Variants in XYLT1 observed in about 807,000 individuals in gnomAD.
XYLT1 encodes xylosyltransferase 1.
A neutral mutation model predicts 91.3 loss-of-function variants in XYLT1; 36 were observed. The ratio of observed to expected loss-of-function variants is 0.39; its 90% confidence interval spans 0.30 to 0.52. The LOEUF (loss-of-function observed/expected upper bound fraction) is 0.52. XYLT1 is among the 20% of genes least tolerant of loss of function. The probability of loss-of-function intolerance (pLI) is 0.68; values close to 1 mark genes in which losing one functional copy is unlikely to be tolerated. For missense variants in XYLT1, 1,242 were observed against 1,284.5 expected (o/e 0.97, Z 0.51); for synonymous variants, 588 against 532.0 (o/e 1.11, Z -1.45).
At chr16:17,317,148 A>G (rs1254125930) in intron 2 of XYLT1, among the ~76,000 whole-genome samples, 1 of 151,906 alleles carries the variant, frequency 6.6e-6, no homozygotes, top group Non-Finnish European at 1.5e-5. Flanking sequence ...GGAGCTCTCA[A>G]TGTTGCAGCA....
At chr16:17,452,421 C>A (rs1466715205) in intron 1 of XYLT1, among the ~76,000 whole-genome samples, 1 of 150,726 alleles carries the variant, frequency 6.6e-6, no homozygotes, top group Non-Finnish European at 1.5e-5. Flanking sequence ...CCAAGGAGTT[C>A]GAGACCATCC....
intron 1 of XYLT1, among the ~76,000 whole-genome samples, chr16:17,451,186 G>C (rs2141950716): frequency 6.6e-6 from 1 of 152,286 alleles, no homozygotes; most frequent in African/African-American, 2.4e-5. Flanking sequence ...ATAAAACAGA[G>C]ATGATGAACC....
intron 2 of XYLT1, among the ~76,000 whole-genome samples, chr16:17,264,172 C>G (rs1268962656): frequency 6.6e-6 from 1 of 152,140 alleles, no homozygotes. Flanking sequence ...ATGGCTTCTT[C>G]ATTGTGCATG....
intron 2 of XYLT1, among the ~76,000 whole-genome samples, chr16:17,356,212 A>C (rs936269955): frequency 1.3e-5 from 2 of 152,226 alleles, no homozygotes; most frequent in Admixed American, 6.5e-5. Context: ...GATTAAGGTA[A>C]GTCTATTTCT....
At chr16:17,347,306 C>T (rs558721027) in intron 2 of XYLT1, among the ~76,000 whole-genome samples, 23 of 152,284 alleles carry the variant, frequency 1.5e-4, no homozygotes, top group Admixed American at 4.6e-4. Flanking sequence ...GCCTGTCCCC[C>T]GCCTCTCCCC....
intron 2 of XYLT1, among the ~76,000 whole-genome samples, chr16:17,292,898 A>G (rs752407657): frequency 2.0e-5 from 3 of 152,118 alleles, no homozygotes; most frequent in Non-Finnish European, 4.4e-5. Context: ...CTCAGCCCTG[A>G]GCACTAAGGG....
chr16:17,293,655 T>C (rs2034265226), intron 2 of XYLT1, among the ~76,000 whole-genome samples: 1 of 152,104 alleles, frequency 6.6e-6, no homozygotes, highest in South Asian at 2.1e-4. Flanking sequence ...ACCCAGCTAA[T>C]TGTTTGTAAT....
Position 17,152,193 on chromosome 16 carries a change from C to T in XYLT1, c.1370+6636G>A, listed in dbSNP as rs1382420262. ...GAGATGACACTGGGAATGTACTTCC[C>T]CTCTAGTCTTTTGTCTAACTTCTTT... On this transcript the variant is annotated intron_variant, in intron 6 of 11. Coordinates refer to ENST00000261381, the MANE Select transcript of XYLT1 (RefSeq NM_022166.4). Among the ~76,000 whole-genome samples the T allele has an allele frequency of 2.0e-5, 3 of 152,114 alleles. No individual in the cohort carries two copies. The East Asian group carries it at 5.8e-4, about 29-fold the overall frequency.
intron 2 of XYLT1, among the ~76,000 whole-genome samples, chr16:17,342,735 T>C (rs117462332): frequency 0.015 from 2,258 of 151,858 alleles, 22 homozygotes; most frequent in Non-Finnish European, 0.022. Flanking sequence ...AAAAAACACA[T>C]GCGTTTCTCA....
rs1046212967 is a variant in XYLT1 at position 17,433,118 on chromosome 16, G to GA, written c.363+37315dup. Among the ~76,000 whole-genome samples, 63 of 150,946 alleles carry GA rather than the reference G, an allele frequency of 4.2e-4. No individual in the cohort carries two copies. The East Asian group carries it at 0.01, about 24-fold the overall frequency. ...AAGGCTCAGCCCATCAGCTGTGTTA[G>GA]AAAAAAAAAGGAAGAGAAAACTTGC... On this transcript the variant is annotated intron_variant, in intron 1 of 11. Coordinates refer to ENST00000261381, the MANE Select transcript of XYLT1 (RefSeq NM_022166.4).
intron 8 of XYLT1, among the ~76,000 whole-genome samples, chr16:17,135,123 C>CATATTTAAAACAT: frequency 6.6e-6 from 1 of 152,172 alleles, no homozygotes; most frequent in African/African-American, 2.4e-5. Flanking sequence ...TTTAGCTAGC[C>CATATTTAAAACAT]ATATTTAAAA....
At chr16:17,169,432 T>C (rs2031772828) in intron 5 of XYLT1, among the ~76,000 whole-genome samples, 1 of 152,232 alleles carries the variant, frequency 6.6e-6, no homozygotes, top group South Asian at 2.1e-4. Context: ...CCTCAGTGCT[T>C]TCACAGGACA....
chr16:17,305,205 G>A (rs1258370616), intron 2 of XYLT1, among the ~76,000 whole-genome samples: 4 of 152,112 alleles, frequency 2.6e-5, no homozygotes, highest in African/African-American at 9.7e-5. Context: ...ACCCAGGACA[G>A]GATGGGAGTC....
At chr16:17,360,796 G>C (rs767795762) in intron 1 of XYLT1, among the ~76,000 whole-genome samples, 3 of 152,160 alleles carry the variant, frequency 2.0e-5, no homozygotes, top group Non-Finnish European at 2.9e-5. Context: ...GGGACTCTTT[G>C]GTTTACAGTA....
intron 10 of XYLT1, among the ~76,000 whole-genome samples, chr16:17,118,637 C>G (rs11075339): frequency 0.28 from 42,594 of 151,918 alleles, 6,442 homozygotes; most frequent in East Asian, 0.61. Context: ...CAGCTGTGAC[C>G]CACAGCAATC....
intron 2 of XYLT1, among the ~76,000 whole-genome samples, chr16:17,344,723 T>C (rs1173051838): frequency 6.6e-6 from 1 of 151,764 alleles, no homozygotes; most frequent in Non-Finnish European, 1.5e-5. Flanking sequence ...TTTTTTTTTT[T>C]GAGACAGGTC....
chr16:17,382,754 C>A (rs756040068), intron 1 of XYLT1, among the ~76,000 whole-genome samples: 35 of 151,884 alleles, frequency 2.3e-4, no homozygotes, highest in Non-Finnish European at 4.4e-4. Context: ...AGTCCCCATA[C>A]TCCAGATAAC....
chr16:17,197,294 A>C (rs191713879), intron 5 of XYLT1, among the ~76,000 whole-genome samples: 2 of 151,356 alleles, frequency 1.3e-5, no homozygotes, highest in Non-Finnish European at 2.9e-5. Context: ...TGTAGGCGTG[A>C]CTCTCTTTTT....
At chr16:17,273,968 G>A (rs985513073) in intron 2 of XYLT1, among the ~76,000 whole-genome samples, 2 of 151,460 alleles carry the variant, frequency 1.3e-5, no homozygotes, top group African/African-American at 4.8e-5. Flanking sequence ...CTGGAGCGCA[G>A]TAGCATGATC....
Sources: gnomAD v4.1 joint callset for allele counts (sites outside exome capture counted in the v4.1 genomes callset) on GRCh38, gnomAD v4.1.1 for gene constraint, MANE v1.5 for transcripts, NCBI Gene and HGNC (gene_info 2026-07-23, HGNC 2026-07-21) for gene names.